Variants in CDK5RAP2 observed in about 807,000 individuals in gnomAD.
CDK5RAP2 encodes the protein CDK5 regulatory subunit-associated protein 2.
Under a neutral mutation model 232.9 loss-of-function variants are expected in CDK5RAP2, and 147 were observed. The observed-to-expected ratio is 0.63, with a 90% CI of 0.55 to 0.72. CDK5RAP2 has a LOEUF of 0.72. Among genes scored for constraint, CDK5RAP2 ranks in the 30% least tolerant of loss-of-function variants. The probability of loss-of-function intolerance (pLI) is 0.00; values close to 1 mark genes in which losing one functional copy is unlikely to be tolerated. For synonymous variants in CDK5RAP2, 833 were observed against 833.7 expected (o/e 1.00, Z 0.01); for missense variants, 2,195 against 2,231.5 (o/e 0.98, Z 0.33).
intron 13 of CDK5RAP2, among the ~76,000 whole-genome samples, chr9:120,488,334 T>C (rs1588464844): frequency 2.0e-5 from 3 of 152,334 alleles, no homozygotes; most frequent in African/African-American, 7.2e-5. Context: ...AAATAACCAA[T>C]ACTGACTTTC....
intron 25 of CDK5RAP2, among the ~76,000 whole-genome samples, chr9:120,427,466 C>T (rs937702127): frequency 8.5e-5 from 13 of 152,094 alleles, no homozygotes; most frequent in African/African-American, 3.1e-4. Context: ...GATAAATGAC[C>T]CACAAAGCTG....
At chr9:120,438,074 CT>C (rs2035690623) in intron 24 of CDK5RAP2, among the ~76,000 whole-genome samples, 2 of 152,294 alleles carry the variant, frequency 1.3e-5, no homozygotes, top group Admixed American at 6.5e-5. Flanking sequence ...TAAATGTCCC[CT>C]TTTACAGAAG....
At chr9:120,503,997 A>G (rs1464676532) in intron 12 of CDK5RAP2, among the ~76,000 whole-genome samples, 1 of 152,182 alleles carries the variant, frequency 6.6e-6, no homozygotes, top group Non-Finnish European at 1.5e-5. Flanking sequence ...GGTGCTTTTC[A>G]TGGCCAAGAG....
At chr9:120,392,582 C>T (rs760292551) in intron 36 of CDK5RAP2, among the ~76,000 whole-genome samples, 55 of 152,218 alleles carry the variant, frequency 3.6e-4, no homozygotes, top group Non-Finnish European at 7.6e-4. Flanking sequence ...AGAGTTCTGC[C>T]TTTCTCTAGA....
At chr9:120,468,259 C>T (rs2037497081) in intron 17 of CDK5RAP2, among the ~76,000 whole-genome samples, 1 of 152,234 alleles carries the variant, frequency 6.6e-6, no homozygotes, top group African/African-American at 2.4e-5. Flanking sequence ...GCCCCAGTTT[C>T]CTCATCTGTA....
chr9:120,557,617 G>GCACACA (rs2042278840), intron 3 of CDK5RAP2, among the ~76,000 whole-genome samples: 1 of 151,852 alleles, frequency 6.6e-6, no homozygotes, highest in African/African-American at 2.4e-5. Context: ...AAATTAGCTG[G>GCACACA]GTATAGTGGC....
At chr9:120,560,408 T>C (rs898534551) in intron 3 of CDK5RAP2, among the ~76,000 whole-genome samples, 2 of 152,164 alleles carry the variant, frequency 1.3e-5, no homozygotes, top group Admixed American at 6.5e-5. Flanking sequence ...AACCCACCCA[T>C]ACTGCTGTCT....
chr9:120,553,108 A>G (rs1298263568), intron 3 of CDK5RAP2, among the ~76,000 whole-genome samples: 3 of 152,198 alleles, frequency 2.0e-5, no homozygotes, highest in African/African-American at 7.2e-5. Context: ...TAGATAATTT[A>G]TATACAATAT....
intron 14 of CDK5RAP2, among the ~76,000 whole-genome samples, chr9:120,482,408 C>A (rs929324025): frequency 6.6e-6 from 1 of 152,174 alleles, no homozygotes; most frequent in African/African-American, 2.4e-5. Context: ...TCCTGCCCTC[C>A]TCCCTTCCTC....
At chr9:120,395,468 A>G (rs1270447802) in intron 35 of CDK5RAP2, among the ~76,000 whole-genome samples, 1 of 152,268 alleles carries the variant, frequency 6.6e-6, no homozygotes, top group African/African-American at 2.4e-5. Context: ...TGGCAAAACC[A>G]GAGTCCCCAG....
At chr9:120,451,829 T>A (rs2036495038) in intron 21 of CDK5RAP2, among the ~76,000 whole-genome samples, 1 of 149,092 alleles carries the variant, frequency 6.7e-6, no homozygotes, top group South Asian at 2.1e-4. Flanking sequence ...ATTCATACTC[T>A]TGTTGAGAAT....
rs2031655271 is a variant in CDK5RAP2 at position 120,388,980 on chromosome 9, A to G, written c.*256T>C. 4 of 577,646 alleles carry G rather than the reference A, an allele frequency of 6.9e-6. No homozygotes were observed. The highest frequency in any genetic ancestry group is 6.5e-5 in the South Asian group (3 of 46,086). 35.8% of individuals were successfully genotyped at this position (577,646 alleles called of 1,614,324 possible). Reference sequence around the variant, plus strand: ...AAGCCCACCAAGGCGCACAGCCTCAACTCCGGTGCCTGCCCCTGATCTGAA... The same window carrying G: ...AAGCCCACCAAGGCGCACAGCCTCAGCTCCGGTGCCTGCCCCTGATCTGAA... On this transcript the variant is annotated 3_prime_UTR_variant, in exon 38 of 38. Transcript: ENST00000349780.
intron 3 of CDK5RAP2, among the ~76,000 whole-genome samples, chr9:120,563,608 A>G (rs755006043): frequency 4.6e-5 from 7 of 152,184 alleles, no homozygotes; most frequent in Non-Finnish European, 7.3e-5. Context: ...CACTTTACAC[A>G]TGAGGTTTTA....
In CDK5RAP2 at chr9:120,453,500, C is replaced by T. The variant is rs557615148; in HGVS notation, c.2749G>A (p.Gly917Arg). ...HRPENLHGVP[G>R]WQAALLSLPG... ...AGGGAAAGGAGGGCAGCCTGCCACC[C>T]AGGCACCCCGTGCAGGTTCTCTGGC... Residue 917 changes from glycine (G) to arginine (R), a missense_variant, in exon 21 of 38, where the codon GGG becomes AGG. Coordinates refer to ENST00000349780, the MANE Select transcript of CDK5RAP2 (RefSeq NM_018249.6). The T allele has an allele frequency of 1.0e-4, 169 of 1,613,532 alleles. 1 individual carries two copies. In the South Asian group the frequency reaches 1.8e-3, roughly 17 times the overall value.
At chr9:120,413,820 GGGA>G (rs956596490) in intron 28 of CDK5RAP2, among the ~76,000 whole-genome samples, 127 of 139,122 alleles carry the variant, frequency 9.1e-4, no homozygotes, top group African/African-American at 3.3e-3. Context: ...GGAGGGAGGA[GGGA>G]GGAGGGAGGA....
In CDK5RAP2 at chr9:120,422,076, G is replaced by T. The variant is rs189556345; in HGVS notation, c.4004+617C>A. On this transcript the variant is annotated intron_variant, in intron 26 of 37. Coordinates refer to ENST00000349780, the MANE Select transcript of CDK5RAP2 (RefSeq NM_018249.6). ...CTCTGGGAATAGAAAGATAAATGTAGAAAGCATTACAATACCATGTGGTAA... is the reference window on the plus strand; with the variant it reads ...CTCTGGGAATAGAAAGATAAATGTATAAAGCATTACAATACCATGTGGTAA... Among the ~76,000 whole-genome samples the T allele has an allele frequency of 5.9e-5, 9 of 152,346 alleles. No homozygotes were observed. The East Asian group carries it at 1.7e-3, about 29-fold the overall frequency.
intron 12 of CDK5RAP2, among the ~76,000 whole-genome samples, chr9:120,502,532 G>A (rs749946872): frequency 2.0e-5 from 3 of 152,132 alleles, no homozygotes; most frequent in Admixed American, 6.5e-5. Flanking sequence ...GGTTAAGAAC[G>A]TCTTACACGG....
chr9:120,407,280 T>C (rs1177371596), intron 31 of CDK5RAP2, 32 bp from the exon 32 acceptor site: 1 of 1,526,708 alleles, frequency 6.6e-7, no homozygotes, highest in Admixed American at 1.7e-5. Flanking sequence ...AGCCCTGACA[T>C]CTTCCACAAC....
intron 3 of CDK5RAP2, among the ~76,000 whole-genome samples, chr9:120,558,004 G>T (rs2042301493): frequency 6.7e-6 from 1 of 148,568 alleles, no homozygotes; most frequent in African/African-American, 2.4e-5. Flanking sequence ...GACCTCAGGT[G>T]ATTTGCCCAC....
Sources: gnomAD v4.1 joint callset for allele counts (sites outside exome capture counted in the v4.1 genomes callset) on GRCh38, gnomAD v4.1.1 for gene constraint, MANE v1.5 for transcripts, NCBI Gene and HGNC (gene_info 2026-07-23, HGNC 2026-07-21) for gene names.